AMBRA1: variants seen among roughly 807,000 people sequenced by gnomAD.
AMBRA1 encodes the protein activating molecule in BECN1-regulated autophagy protein 1.
A neutral mutation model predicts 125.4 loss-of-function variants in AMBRA1; 47 were observed. The ratio of observed to expected loss-of-function variants is 0.37; its 90% confidence interval spans 0.30 to 0.48. The LOEUF is 0.48. AMBRA1 is among the 20% of genes least tolerant of loss of function. The pLI is 0.99. For synonymous variants in AMBRA1, 626 were observed against 655.5 expected (o/e 0.95, Z 0.69); for missense variants, 1,331 against 1,693.4 (o/e 0.79, Z 3.76).
chr11:46,587,544 C>T (rs2044447446), intron 1 of AMBRA1, among the ~76,000 whole-genome samples: 1 of 152,084 alleles, frequency 6.6e-6, no homozygotes, highest in Non-Finnish European at 1.5e-5. Flanking sequence ...TAGATGGCAG[C>T]AAGGAAACTT....
chr11:46,454,198 A>G (rs1948743328), intron 11 of AMBRA1, among the ~76,000 whole-genome samples: 3 of 151,818 alleles, frequency 2.0e-5, no homozygotes, highest in African/African-American at 7.3e-5. Flanking sequence ...ATTTTTTTTT[A>G]ATTTTTAATT....
chr11:46,402,836 T>C (rs1199632166), intron 17 of AMBRA1, among the ~76,000 whole-genome samples: 1 of 152,208 alleles, frequency 6.6e-6, no homozygotes, highest in Non-Finnish European at 1.5e-5. Flanking sequence ...TACAAACAAA[T>C]GGCTCCCCCA....
intron 7 of AMBRA1, among the ~76,000 whole-genome samples, chr11:46,523,344 C>T (rs2135101261): frequency 6.6e-6 from 1 of 152,270 alleles, no homozygotes; most frequent in Middle Eastern, 3.4e-3. Context: ...AATAATTTCT[C>T]CACCATTTCC....
At chr11:46,416,040 G>T (rs771345419) in intron 15 of AMBRA1, among the ~76,000 whole-genome samples, 26 of 152,158 alleles carry the variant, frequency 1.7e-4, no homozygotes, top group Non-Finnish European at 3.4e-4. Context: ...AAATTTGGCT[G>T]GGACAAAAGT....
Position 46,543,155 on chromosome 11 carries a change from T to C in AMBRA1, c.862A>G (p.Ile288Val). 20 of 1,564,890 alleles carry C rather than the reference T, an allele frequency of 1.3e-5. No homozygotes were observed. Among genetic ancestry groups the C allele is most frequent in the Non-Finnish European group, 1.7e-5 (20 of 1,158,338 alleles). Residue 288 changes from isoleucine to valine, a missense_variant, in exon 7 of 18, where the codon ATC (isoleucine) becomes GTC (valine). Physicochemically the swap from Ile to Val is conservative, Grantham distance 29. This residue lies in a region of AMBRA1 where 689 missense variants were observed against 776.5 expected (regional missense o/e 0.89). Coordinates refer to ENST00000683756, the MANE Select transcript of AMBRA1 (RefSeq NM_001387011.1). The stretch of plus-strand genomic sequence containing the variant: ...TAACTGACCCGCTGTCGGAGCCTGA[T>C]GTAAGCGGAAGTCCTGGGGCGCTCC... Reference protein sequence around the residue: ...STERPRTSAYIRLRQRVSYPT... With the variant: ...STERPRTSAYVRLRQRVSYPT...
intron 1 of AMBRA1, among the ~76,000 whole-genome samples, chr11:46,590,311 C>T (rs1176287548): frequency 6.6e-6 from 1 of 151,756 alleles, no homozygotes; most frequent in Non-Finnish European, 1.5e-5. Flanking sequence ...CTGCCTGCAG[C>T]CTGGTGACAG....
intron 7 of AMBRA1, among the ~76,000 whole-genome samples, chr11:46,539,505 C>T (rs894254476): frequency 1.4e-4 from 21 of 151,148 alleles, no homozygotes; most frequent in Non-Finnish European, 2.7e-4. Context: ...TGTGGTGAGC[C>T]GAGATCACAC....
intron 17 of AMBRA1, among the ~76,000 whole-genome samples, chr11:46,404,109 A>G (rs1047703766): frequency 6.6e-6 from 1 of 152,184 alleles, no homozygotes; most frequent in African/African-American, 2.4e-5. Context: ...GGATCCCTTG[A>G]GCCCAGGAGG....
chr11:46,493,597 C>T lies in AMBRA1; in HGVS notation c.2521+11G>A, dbSNP rs764608295. On this transcript the variant is annotated intron_variant, in intron 11 of 17. Coordinates refer to ENST00000683756, the MANE Select transcript of AMBRA1 (RefSeq NM_001387011.1). Reference sequence around the variant, plus strand: ...TTCACATTTTCAAAAGCCAAAGAAACATTTCCTTACCTGCCAGGACCCTGT... The same window carrying T: ...TTCACATTTTCAAAAGCCAAAGAAATATTTCCTTACCTGCCAGGACCCTGT... 94 of 1,599,648 alleles carry T rather than the reference C, an allele frequency of 5.9e-5. No homozygotes were observed. Among genetic ancestry groups the T allele is most frequent in the Admixed American group, 1.9e-4 (11 of 56,896 alleles).
chr11:46,471,334 T>C (rs1000433530), intron 11 of AMBRA1, among the ~76,000 whole-genome samples: 1 of 151,922 alleles, frequency 6.6e-6, no homozygotes, highest in African/African-American at 2.4e-5. Context: ...ATCCCAGCAC[T>C]TTGGGAGGCC....
At chr11:46,435,797 G>A (rs1447557735) in intron 12 of AMBRA1, among the ~76,000 whole-genome samples, 1 of 152,242 alleles carries the variant, frequency 6.6e-6, no homozygotes, top group Non-Finnish European at 1.5e-5. Context: ...AGATCTGAGG[G>A]TGGAGGAATG....
intron 1 of AMBRA1, among the ~76,000 whole-genome samples, chr11:46,590,738 A>G (rs2044566031): frequency 6.6e-6 from 1 of 151,936 alleles, no homozygotes; most frequent in Non-Finnish European, 1.5e-5. Context: ...AAGTAAGTTA[A>G]AAGCTGAGTG....
intron 4 of AMBRA1, among the ~76,000 whole-genome samples, chr11:46,546,296 T>G (rs1334473980): frequency 3.3e-5 from 5 of 152,148 alleles, no homozygotes; most frequent in Non-Finnish European, 7.4e-5. Flanking sequence ...TGTCTTGGTC[T>G]CCTGAAGTGC....
At chr11:46,532,373 G>T (rs1350731025) in intron 7 of AMBRA1, among the ~76,000 whole-genome samples, 1 of 152,174 alleles carries the variant, frequency 6.6e-6, no homozygotes, top group East Asian at 1.9e-4. Flanking sequence ...TGAGGAGGAA[G>T]CTCCTGAAAA....
chr11:46,434,574 C>T (rs1331296607), intron 13 of AMBRA1, among the ~76,000 whole-genome samples: 1 of 152,192 alleles, frequency 6.6e-6, no homozygotes, highest in African/African-American at 2.4e-5. Context: ...TACACAATGC[C>T]AAACTGTCTT....
At chr11:46,560,874 C>A (rs1262181775) in intron 1 of AMBRA1, among the ~76,000 whole-genome samples, 1 of 152,180 alleles carries the variant, frequency 6.6e-6, no homozygotes, top group Non-Finnish European at 1.5e-5. Context: ...GAAACGGAAA[C>A]TGAAACCAGC....
intron 7 of AMBRA1, among the ~76,000 whole-genome samples, chr11:46,528,292 C>T (rs1184157764): frequency 6.6e-6 from 1 of 152,200 alleles, no homozygotes; most frequent in East Asian, 1.9e-4. Context: ...CTGCCTCAGC[C>T]TCCTGAGTAG....
At chr11:46,582,275 T>C (rs1248256395) in intron 1 of AMBRA1, among the ~76,000 whole-genome samples, 2 of 152,154 alleles carry the variant, frequency 1.3e-5, no homozygotes, top group African/African-American at 2.4e-5. Context: ...ATCCTGAGAA[T>C]TTCATACATG....
chr11:46,457,096 A>G (rs1948882170), intron 11 of AMBRA1, among the ~76,000 whole-genome samples: 1 of 152,248 alleles, frequency 6.6e-6, no homozygotes, highest in Non-Finnish European at 1.5e-5. Context: ...CAGCACCTGT[A>G]CATTTCAGGG....
Sources: gnomAD v4.1 joint callset for allele counts (sites outside exome capture counted in the v4.1 genomes callset) on GRCh38, gnomAD v4.1.1 for gene constraint, gnomAD v4.1.1 regional missense constraint, MANE v1.5 for transcripts, NCBI Gene and HGNC (gene_info 2026-07-23, HGNC 2026-07-21) for gene names.